Variants in MSR1 observed in about 807,000 individuals in gnomAD.
The protein encoded by MSR1 is macrophage scavenger receptor 1.
In MSR1, 53 loss-of-function variants were observed where a neutral mutation model predicts 47.2. The ratio of observed to expected loss-of-function variants is 1.12; its 90% CI spans 0.90 to 1.41. The LOEUF is 1.41. Ranked by LOEUF, MSR1 falls within the 40% of genes most tolerant of loss-of-function variation. The pLI is 0.00. For missense variants in MSR1, 786 were observed against 546.9 expected (o/e 1.44, Z -4.36); for synonymous variants, 239 against 185.6 (o/e 1.29, Z -2.34).
chr8:16,190,929 C>T (rs935591653), intron 1 of MSR1, among the ~76,000 whole-genome samples: 1 of 152,062 alleles, frequency 6.6e-6, no homozygotes, highest in Admixed American at 6.6e-5. Context: ...CCATGTTGGT[C>T]AGGCTGGTCT....
rs943888857 is a variant in MSR1, at chr8:16,146,720, C to T, written c.980-3109G>A. Among the ~76,000 whole-genome samples, 5 of 152,230 alleles carry T rather than the reference C, an allele frequency of 3.3e-5. No homozygotes were observed. In the East Asian group the frequency reaches 9.7e-4, roughly 29 times the overall value. On this transcript the variant is annotated intron_variant, in intron 7 of 9. Coordinates refer to ENST00000262101, the MANE Select transcript of MSR1 (RefSeq NM_138715.3). ...GCTACTTTGTTCATCTCAGCCTGTACTTCTGGAACTACTTAAAGCTTTATG... is the reference window on the plus strand; with the variant it reads ...GCTACTTTGTTCATCTCAGCCTGTATTTCTGGAACTACTTAAAGCTTTATG...
chr8:16,165,840 C>T (rs1801290185), intron 4 of MSR1, among the ~76,000 whole-genome samples: 1 of 152,124 alleles, frequency 6.6e-6, no homozygotes, highest in Non-Finnish European at 1.5e-5. Context: ...ATTGCTCTAA[C>T]TGTGCCTTCT....
At chr8:16,150,140 G>GTATA (rs55913131) in intron 7 of MSR1, 91 bp downstream of exon 7, 2,887 of 178,028 alleles carry the variant, frequency 0.016, 29 homozygotes, top group African/African-American at 0.024. Flanking sequence ...GTGTGTGTGT[G>GTATA]TATATATATA....
rs1190408645 is a variant in MSR1, at chr8:16,122,562, C to G, written c.1034-1956G>C. Among the ~76,000 whole-genome samples, 2 of 152,106 alleles carry G rather than the reference C, an allele frequency of 1.3e-5. 1 individual carries two copies. Among genetic ancestry groups the G allele is most frequent in the Non-Finnish European group, 2.9e-5 (2 of 68,022 alleles). ...TCCTTCCAAAATGTCATAAATGAGC[C>G]TTGCTTGTCCTGGAGCAGTGGTTCT... On this transcript the variant is annotated intron_variant, in intron 8 of 9. Coordinates refer to ENST00000262101, the MANE Select transcript of MSR1 (RefSeq NM_138715.3).
Position 16,163,963 on chromosome 8 carries a change from C to G in MSR1, c.817+102G>C. On this transcript the variant is annotated intron_variant, in intron 5 of 9. Coordinates refer to ENST00000262101, the MANE Select transcript of MSR1 (RefSeq NM_138715.3). ...TTTGCAGTAAATGTAAGCTCAGAAA[C>G]TATTTATTTCAAACCATAGGATTTC... 4 of 938,030 alleles carry G rather than the reference C, an allele frequency of 4.3e-6. No homozygotes were observed. In the East Asian group the frequency reaches 1.1e-4, roughly 26 times the overall value. 58.1% of individuals were successfully genotyped at this position (938,030 alleles called of 1,614,324 possible).
intron 9 of MSR1, among the ~76,000 whole-genome samples, chr8:16,118,734 T>C (rs1431588283): frequency 6.6e-6 from 1 of 152,078 alleles, no homozygotes; most frequent in Non-Finnish European, 1.5e-5. Flanking sequence ...AAACTCAGAT[T>C]GGGAGCTCAG....
chr8:16,153,625 G>T (rs969085377), intron 6 of MSR1, among the ~76,000 whole-genome samples: 8 of 151,850 alleles, frequency 5.3e-5, no homozygotes, highest in African/African-American at 1.9e-4. Context: ...AACACAAGCT[G>T]AAATTTATAA....
intron 4 of MSR1, among the ~76,000 whole-genome samples, chr8:16,168,121 TAC>T (rs1218076921): frequency 3.9e-5 from 6 of 152,118 alleles, no homozygotes; most frequent in Non-Finnish European, 8.8e-5. Context: ...AATTCACACA[TAC>T]AGAGTGTTCA....
Position 16,121,778 on chromosome 8 carries a change from C to G in MSR1, c.1034-1172G>C, listed in dbSNP as rs1800011166. The stretch of plus-strand genomic sequence containing the variant: ...TAATTTTCATAACAAAAATATCTCT[C>G]TAATGTGAAAATGGAGTTTTAAGGA... On this transcript the variant is annotated intron_variant, in intron 8 of 9. Coordinates refer to ENST00000262101, the MANE Select transcript of MSR1 (RefSeq NM_138715.3). Among the ~76,000 whole-genome samples, 4 of 151,722 alleles carry G rather than the reference C, an allele frequency of 2.6e-5. No individual in the cohort carries two copies. In the South Asian group the frequency reaches 8.3e-4, roughly 31 times the overall value.
intron 3 of MSR1, among the ~76,000 whole-genome samples, chr8:16,174,414 C>A (rs1342870341): frequency 2.0e-5 from 3 of 152,144 alleles, no homozygotes; most frequent in African/African-American, 7.2e-5. Flanking sequence ...ACATCAAATC[C>A]ATCCAAAATG....
chr8:16,136,613 AT>A (rs1347936801), intron 8 of MSR1, among the ~76,000 whole-genome samples: 12 of 151,646 alleles, frequency 7.9e-5, no homozygotes, highest in African/African-American at 7.3e-5. Flanking sequence ...GGAATGCTGC[AT>A]TTTTTTTGAG....
rs149883858 is a variant in MSR1, at chr8:16,134,632, C to T, written c.1033+8926G>A. On this transcript the variant is annotated intron_variant, in intron 8 of 9. Coordinates refer to ENST00000262101, the MANE Select transcript of MSR1 (RefSeq NM_138715.3). ...CCTTAACAACGGCCTCTAAGTGTTC[C>T]ATTGAAAGGAAGAGTGGCACATCTC... Among the ~76,000 whole-genome samples, 25 of 152,186 alleles carry T rather than the reference C, an allele frequency of 1.6e-4. 2 individuals are homozygous for T. In the East Asian group the frequency reaches 4.8e-3, roughly 29 times the overall value.
At position 16,164,278 on chromosome 8, in the gene MSR1, G is replaced by C. The variant is rs1254760664; in HGVS notation, c.631-27C>G. On this transcript the variant is annotated intron_variant, in intron 4 of 9. Transcript: ENST00000262101. ...TGTAAAACATAAGTGAGCATTCACA[G>C]CCTTTGTTACATACATAATTATCAA... is the stretch of plus-strand genomic sequence containing the variant. The C allele has an allele frequency of 2.5e-5, 39 of 1,587,776 alleles. No individual in the cohort carries two copies. In the Admixed American group the frequency reaches 6.5e-4, roughly 27 times the overall value.
intron 8 of MSR1, among the ~76,000 whole-genome samples, chr8:16,126,815 C>G (rs927986137): frequency 6.6e-6 from 1 of 152,074 alleles, no homozygotes; most frequent in Non-Finnish European, 1.5e-5. Flanking sequence ...CTTTGGCCTC[C>G]CAAAGTACTG....
At chr8:16,121,250 T>C (rs1799999835) in intron 8 of MSR1, 1 of 383,956 alleles carries the variant, frequency 2.6e-6, no homozygotes, top group African/African-American at 2.1e-5. Flanking sequence ...TCAGACAATT[T>C]TGTTTATTTT....
intron 7 of MSR1, among the ~76,000 whole-genome samples, chr8:16,148,555 C>G (rs184635517): frequency 1.3e-5 from 2 of 152,098 alleles, no homozygotes; most frequent in South Asian, 2.1e-4. Context: ...CTCCTGGGTT[C>G]AAGTGATCCT....
chr8:16,113,603 A>G (rs1039767766), intron 9 of MSR1, among the ~76,000 whole-genome samples: 11 of 152,188 alleles, frequency 7.2e-5, no homozygotes. Context: ...ATCAAAGTAG[A>G]GAAGAATGGG....
intron 9 of MSR1, among the ~76,000 whole-genome samples, chr8:16,118,884 T>C (rs1799936223): frequency 6.6e-6 from 1 of 152,146 alleles, no homozygotes; most frequent in South Asian, 2.1e-4. Flanking sequence ...ACCTTGAGAA[T>C]ATCTTACTAT....
intron 5 of MSR1, 107 bp from the exon 6 acceptor site, chr8:16,155,251 G>T: frequency 1.3e-6 from 1 of 783,944 alleles, no homozygotes; most frequent in Non-Finnish European, 2.2e-6. Flanking sequence ...TCTATTTGTT[G>T]TGCAATAATA....
Sources: allele counts gnomAD v4.1 joint callset (sites outside exome capture counted in the v4.1 genomes callset), GRCh38; gene constraint gnomAD v4.1.1; transcripts MANE v1.5; gene names NCBI Gene and HGNC (gene_info 2026-07-23, HGNC 2026-07-21).